SPTAN1: variants seen among roughly 807,000 people sequenced by gnomAD.
The protein encoded by SPTAN1 is spectrin alpha, non-erythrocytic 1.
In SPTAN1, 61 loss-of-function variants were observed where a neutral mutation model predicts 331.3. The observed-to-expected ratio is 0.18, with a 90% confidence interval of 0.15 to 0.23. The LOEUF (loss-of-function observed/expected upper bound fraction) is 0.23, where lower values mean the gene tolerates loss of function less well. Ranked by LOEUF, SPTAN1 falls within the 10% of genes least tolerant of loss-of-function variation. SPTAN1 has a pLI of 1.00. For missense variants in SPTAN1, 2,043 were observed against 3,147.9 expected (o/e 0.65, Z 8.40); for synonymous variants, 1,153 against 1,173.9 (o/e 0.98, Z 0.36).
intron 48 of SPTAN1, 125 bp downstream of exon 48, chr9:128,626,103 A>G: frequency 3.3e-6 from 4 of 1,217,920 alleles, no homozygotes; most frequent in African/African-American, 3.0e-5. Context: ...GCTTTCAAAC[A>G]TGGGTGTGGC....
intron 3 of SPTAN1, among the ~76,000 whole-genome samples, chr9:128,572,217 C>T (rs1431856224): frequency 6.6e-6 from 1 of 152,128 alleles, no homozygotes; most frequent in East Asian, 1.9e-4. Context: ...TTAATGTTTC[C>T]ACCATCTGCT....
chr9:128,629,049 T>G lies in SPTAN1; in HGVS notation c.6707+1107T>G. The stretch of plus-strand genomic sequence containing the variant: ...TGCCTGCGCCCTGCCAGCTTGGGCT[T>G]TGTGTGTGTCTGTTGCAGTGTGCTC... On this transcript the variant is annotated intron_variant, in intron 51 of 56. Coordinates refer to ENST00000372739, the MANE Select transcript of SPTAN1 (RefSeq NM_001130438.3). The surrounding 1 kb of genome is among the most constrained non-coding windows in gnomAD (Gnocchi z 4.9). The G allele has an allele frequency of 7.6e-6, 3 of 397,350 alleles. No homozygotes were observed. The highest frequency in any genetic ancestry group is 8.9e-6 in the Non-Finnish European group (2 of 225,336). The allele number at this position is 397,350 out of a possible 1,614,324, so 24.6% of individuals were successfully genotyped here.
rs886063507 is a variant in SPTAN1, at chr9:128,618,994, C to T, written c.5724C>T (p.Ala1908=). The T allele has an allele frequency of 4.4e-5, 71 of 1,613,684 alleles. No individual in the cohort carries two copies. Among genetic ancestry groups the T allele is most frequent in the Non-Finnish European group, 5.6e-5 (66 of 1,179,880 alleles). ...GCGAAGATTATGGCGACACTCTTGC[C>T]GCCATCCAGGTGAGACAGAAACCAA... ...VASEDYGDTL[A]AIQGLLKKHE... The change falls in exon 44 of 57, where the codon GCC becomes GCT. Residue 1908 remains alanine, a synonymous_variant. Transcript: ENST00000372739.
In SPTAN1 at chr9:128,618,852, T is replaced by C; in HGVS notation, c.5601-19T>C. ...TGGAGGAGATTATGGCTGATTTTCT[T>C]CCTGTCTCCTGTAATTAGGGGTCAG... On this transcript the variant is annotated intron_variant, in intron 43 of 56. Transcript: ENST00000372739. 6.2e-7 allele frequency: 1 copy of C among 1,614,176 alleles called. No homozygotes were observed. The highest frequency in any genetic ancestry group is 8.5e-7 in the Non-Finnish European group (1 of 1,180,016).
intron 26 of SPTAN1, 86 bp downstream of exon 26, chr9:128,599,072 A>T: frequency 7.6e-7 from 1 of 1,313,612 alleles, no homozygotes; most frequent in Non-Finnish European, 1.1e-6. Flanking sequence ...CTTCTTCATC[A>T]GAATTGCTGT....
At chr9:128,621,537 CTCTT>C (rs753299378) in intron 45 of SPTAN1, 5 of 531,316 alleles carry the variant, frequency 9.4e-6, no homozygotes, top group Non-Finnish European at 1.7e-5. Flanking sequence ...GCAATACAGT[CTCTT>C]TATAGGGACA....
rs1258899492 is a variant in SPTAN1 at position 128,625,293 on chromosome 9, A to C, written c.6069+114A>C. 8.3e-6 allele frequency: 9 copies of C among 1,079,546 alleles called. No individual in the cohort carries two copies. Among genetic ancestry groups the C allele is most frequent in the Non-Finnish European group, 1.3e-5 (9 of 715,816 alleles). The allele number at this position is 1,079,546 out of a possible 1,614,324, so 66.9% of individuals were successfully genotyped here. ...CTGTTAGCCCCTGGGGATCAGCAGG[A>C]AAAAGATCCTGTCCTGGTCCTCAGG... On this transcript the variant is annotated intron_variant, in intron 47 of 56. Transcript: ENST00000372739. The surrounding 1 kb of genome is among the most constrained non-coding windows in gnomAD (Gnocchi z 4.1).
chr9:128,573,841 A>T (rs7043450), intron 3 of SPTAN1, among the ~76,000 whole-genome samples: 1 of 151,914 alleles, frequency 6.6e-6, no homozygotes, highest in Non-Finnish European at 1.5e-5. Context: ...GCAAGCTCCA[A>T]CTCCCTGGGG....
rs1857813780 is a variant in SPTAN1, at chr9:128,621,264, C to T, written c.5832+8C>T. 1.9e-6 allele frequency: 3 copies of T among 1,611,630 alleles called. No homozygotes were observed. Among genetic ancestry groups the T allele is most frequent in the Non-Finnish European group, 2.5e-6 (3 of 1,179,044 alleles). On this transcript the variant is annotated splice_region_variant and intron_variant, in intron 45 of 56. Coordinates refer to ENST00000372739, the MANE Select transcript of SPTAN1 (RefSeq NM_001130438.3). The stretch of plus-strand genomic sequence containing the variant: ...CAAGACCTCATTAAGAAGGTGAGTC[C>T]AGCCCATTGGTAAGACCTCCATCGC...
At position 128,611,973 on chromosome 9, in the gene SPTAN1, A is replaced by G. The variant is rs942887019; in HGVS notation, c.4905+128A>G. ...TATAGAAGACTTTAGGCTGAATTAC[A>G]GATGGGGAATGCTAGTGAGAATGGC... On this transcript the variant is annotated intron_variant, in intron 38 of 56. Transcript: ENST00000372739. 1.1e-5 allele frequency: 18 copies of G among 1,601,132 alleles called. No individual in the cohort carries two copies. The African/African-American group carries it at 2.1e-4, about 19-fold the overall frequency.
At chr9:128,567,213 ATACTACTGG>A (rs1474512306) in intron 2 of SPTAN1, among the ~76,000 whole-genome samples, 1 of 152,214 alleles carries the variant, frequency 6.6e-6, no homozygotes, top group Non-Finnish European at 1.5e-5. Context: ...CTCTGCCTTG[ATACTACTGG>A]TGAGCTTTAA....
At position 128,627,490 on chromosome 9, in the gene SPTAN1, A is replaced by G; in HGVS notation, c.6681A>G (p.Gln2227=). ...QHANAFHQWI[Q]ETRTYLLDGS... ...CCAACGCCTTCCACCAGTGGATCCA[A>G]GAGACCAGGTGCCAGCCCGCTGGGG... The change falls in exon 50 of 57, where the codon CAA becomes CAG. Residue 2227 remains glutamine, a synonymous_variant. Coordinates refer to ENST00000372739, the MANE Select transcript of SPTAN1 (RefSeq NM_001130438.3). This position sits in a 1 kb window ranked among gnomAD's most constrained non-coding sequence, Gnocchi z 4.9. 5.2e-6 allele frequency: 8 copies of G among 1,551,170 alleles called. No homozygotes were observed. Among genetic ancestry groups the G allele is most frequent in the African/African-American group, 1.4e-5 (1 of 73,168 alleles).
At chr9:128,556,688 GAATT>G (rs1848674403) in intron 1 of SPTAN1, among the ~76,000 whole-genome samples, 1 of 152,208 alleles carries the variant, frequency 6.6e-6, no homozygotes, top group South Asian at 2.1e-4. Context: ...AAGTTGAAAT[GAATT>G]AATCAGTTTG....
In SPTAN1 at chr9:128,575,358, G is replaced by GTGC; in HGVS notation, c.651+16_651+18dup. 6.2e-7 allele frequency: 1 copy of GTGC among 1,608,904 alleles called. No individual in the cohort carries two copies. The highest frequency in any genetic ancestry group is 1.1e-5 in the South Asian group (1 of 91,076). On this transcript the variant is annotated intron_variant, in intron 5 of 56. Coordinates refer to ENST00000372739, the MANE Select transcript of SPTAN1 (RefSeq NM_001130438.3). ...CAAACTCATACAGGTAAATAGCAAA[G>GTGC]TGCTGTATGCTTCTCACAACATTAT...
Position 128,590,484 on chromosome 9 carries a change from G to A in SPTAN1, c.3007-993G>A, listed in dbSNP as rs146377338. Among the ~76,000 whole-genome samples the A allele has an allele frequency of 9.0e-3, 1,342 of 148,560 alleles. 9 individuals are homozygous for A. The highest frequency in any genetic ancestry group is 0.041 in the South Asian group (193 of 4,652). ...TTTGGGAGGCCGAGACAGGAGGATCGCTTGAGCCCAGGAGTTCGAGACCAA... is the reference window on the plus strand; with the variant it reads ...TTTGGGAGGCCGAGACAGGAGGATCACTTGAGCCCAGGAGTTCGAGACCAA... On this transcript the variant is annotated intron_variant, in intron 21 of 56. Transcript: ENST00000372739.
In SPTAN1 at chr9:128,552,617, G is replaced by C. The variant is rs1848252203; in HGVS notation, c.-83G>C. 6.6e-6 allele frequency: 1 copy of C among 151,416 alleles called. No homozygotes were observed. Among genetic ancestry groups the C allele is most frequent in the African/African-American group, 2.4e-5 (1 of 41,320 alleles). 9.4% of individuals were successfully genotyped at this position (151,416 alleles called of 1,614,324 possible). On this transcript the variant is annotated 5_prime_UTR_variant, in exon 1 of 57. Transcript: ENST00000372739. This position sits in a 1 kb window ranked among gnomAD's most constrained non-coding sequence, Gnocchi z 4.6. ...TACCCGCTGCGGAGTGAACGGTGTG[G>C]AGCGGAGGCCGCGGAGGCTCCTCGG...
At chr9:128,606,176 C>T (rs915984307) in intron 31 of SPTAN1, among the ~76,000 whole-genome samples, 1 of 151,478 alleles carries the variant, frequency 6.6e-6, no homozygotes, top group African/African-American at 2.4e-5. Flanking sequence ...TCAGGACCAG[C>T]CTGGCCAATA....
intron 44 of SPTAN1, among the ~76,000 whole-genome samples, chr9:128,620,579 G>A (rs1338431071): frequency 6.6e-6 from 1 of 152,118 alleles, no homozygotes; most frequent in Non-Finnish European, 1.5e-5. Flanking sequence ...TTAGCTGGGT[G>A]TGGTGGTGCA....
chr9:128,631,200 G>T (rs546860426), intron 52 of SPTAN1, among the ~76,000 whole-genome samples: 2 of 149,246 alleles, frequency 1.3e-5, no homozygotes, highest in African/African-American at 2.4e-5. Context: ...ACTTACACCT[G>T]TAATCCCAGC....
Sources: gnomAD v4.1 joint callset for allele counts (sites outside exome capture counted in the v4.1 genomes callset) on GRCh38, gnomAD v4.1.1 for gene constraint, Gnocchi (gnomAD v3.1) non-coding constraint, MANE v1.5 for transcripts, NCBI Gene and HGNC (gene_info 2026-07-23, HGNC 2026-07-21) for gene names.